The following DSCAM variants were observed in gnomAD, a reference collection of about 807,000 sequenced individuals.
DSCAM encodes the protein cell adhesion molecule DSCAM.
Under a neutral mutation model 217.7 loss-of-function variants are expected in DSCAM, and 47 were observed. The observed-to-expected ratio is 0.22, with a 90% CI of 0.17 to 0.28. The LOEUF is 0.28. Among genes scored for constraint, DSCAM ranks in the 10% least tolerant of loss-of-function variants. The probability of loss-of-function intolerance (pLI) is 1.00; values close to 1 mark genes in which losing one functional copy is unlikely to be tolerated. For missense variants in DSCAM, 2,080 were observed against 2,618.3 expected (o/e 0.79, Z 4.49); for synonymous variants, 1,056 against 1,015.3 (o/e 1.04, Z -0.76).
intron 21 of DSCAM, among the ~76,000 whole-genome samples, chr21:40,087,789 G>A (rs1415176317): frequency 6.6e-6 from 1 of 152,230 alleles, no homozygotes; most frequent in Non-Finnish European, 1.5e-5. Flanking sequence ...ACATTAAGGA[G>A]AATGAACATT....
At chr21:40,035,967 C>T (rs1353629166) in intron 32 of DSCAM, among the ~76,000 whole-genome samples, 8 of 147,582 alleles carry the variant, frequency 5.4e-5, no homozygotes, top group East Asian at 1.9e-4. Context: ...TTGAAACCAA[C>T]GAGAACAAAG....
chr21:40,144,649 T>C lies in DSCAM; in HGVS notation c.3101A>G (p.Gln1034Arg). The change falls in exon 17 of 33, where the codon CAA becomes CGA. Residue 1034 changes from glutamine (Q) to arginine (R), a missense_variant. Transcript: ENST00000400454. This position sits in a 1 kb window ranked among gnomAD's most constrained non-coding sequence, Gnocchi z 4.8. ...YREYSTGGNF[Q>R]FNIISVDTSG... ...GGTGTCGACACTGATAATGTTGAATTGGAAGTTACCCCCAGTGCTGTACTC... is the reference window on the plus strand; with the variant it reads ...GGTGTCGACACTGATAATGTTGAATCGGAAGTTACCCCCAGTGCTGTACTC... 1 of 1,614,140 alleles carries C rather than the reference T, an allele frequency of 6.2e-7. No individual in the cohort carries two copies. The highest frequency in any genetic ancestry group is 8.5e-7 in the Non-Finnish European group (1 of 1,180,024).
At chr21:40,525,009 C>CAAAAAAAAAAAAAAAAAAAA (rs58427418) in intron 3 of DSCAM, among the ~76,000 whole-genome samples, 13 of 56,096 alleles carry the variant, frequency 2.3e-4, no homozygotes, top group Non-Finnish European at 3.5e-4. Flanking sequence ...GACTCAGTCT[C>CAAAAAAAAAAAAAAAAAAAA]AAAAAAAAAA....
intron 3 of DSCAM, among the ~76,000 whole-genome samples, chr21:40,508,719 C>A (rs1452015390): frequency 1.6e-5 from 2 of 124,930 alleles, no homozygotes; most frequent in Non-Finnish European, 3.2e-5. Flanking sequence ...CAGGTGCAAA[C>A]CACCACACCC....
intron 14 of DSCAM, among the ~76,000 whole-genome samples, chr21:40,181,975 G>A (rs1025021383): frequency 1.3e-5 from 2 of 152,010 alleles, no homozygotes; most frequent in Non-Finnish European, 2.9e-5. Context: ...CCTCTGTGAG[G>A]TGAGGAAGGA....
chr21:40,251,745 T>C (rs1378865322), intron 11 of DSCAM, among the ~76,000 whole-genome samples: 2 of 152,234 alleles, frequency 1.3e-5, no homozygotes, highest in African/African-American at 4.8e-5. Context: ...CACTTAAATA[T>C]GGCAAAGATA....
chr21:40,433,352 A>C (rs1489662391), intron 3 of DSCAM, among the ~76,000 whole-genome samples: 2 of 150,658 alleles, frequency 1.3e-5, no homozygotes. Flanking sequence ...CGTCTAAAAA[A>C]AAAAAAAAAA....
intron 11 of DSCAM, among the ~76,000 whole-genome samples, chr21:40,208,210 T>C (rs985424901): frequency 6.6e-6 from 1 of 152,190 alleles, no homozygotes; most frequent in Non-Finnish European, 1.5e-5. Context: ...CCCAGCACTT[T>C]GGGAGGCTGA....
Position 40,226,328 on chromosome 21 carries a change from G to A in DSCAM, c.2357-37090C>T, listed in dbSNP as rs2091332548. On this transcript the variant is annotated intron_variant, in intron 11 of 32. Coordinates refer to ENST00000400454, the MANE Select transcript of DSCAM (RefSeq NM_001389.5). Reference sequence around the variant, plus strand: ...TTTATTACTTGGTAGACAATTCTTTGTAATTCAGTGGGTTCTCGGATTTTC... The same window carrying A: ...TTTATTACTTGGTAGACAATTCTTTATAATTCAGTGGGTTCTCGGATTTTC... 3.3e-5 allele frequency among the ~76,000 whole-genome samples: 5 copies of A among 152,166 alleles called. No homozygotes were observed. The South Asian group carries it at 1.0e-3, about 32-fold the overall frequency.
In DSCAM at chr21:40,101,790, G is replaced by GA. The variant is rs1175740653; in HGVS notation, c.3697-7917_3697-7916insT. ...GGTTTTTACTGTGGGAGGTGGTGGG[G>GA]GGGGGTCCAGGCAGACACTGCTGCC... is the stretch of plus-strand genomic sequence containing the variant. On this transcript the variant is annotated intron_variant, in intron 20 of 32. Transcript: ENST00000400454. Among the ~76,000 whole-genome samples, 4 of 152,048 alleles carry GA rather than the reference G, an allele frequency of 2.6e-5. No individual in the cohort carries two copies. The South Asian group carries it at 8.3e-4, about 32-fold the overall frequency.
chr21:40,476,900 T>A (rs1197723179), intron 3 of DSCAM, among the ~76,000 whole-genome samples: 1 of 152,218 alleles, frequency 6.6e-6, no homozygotes. Flanking sequence ...GAAAAACGTT[T>A]ACTTTCTCAC....
intron 3 of DSCAM, among the ~76,000 whole-genome samples, chr21:40,587,298 A>G (rs1400610621): frequency 6.6e-6 from 1 of 152,222 alleles, no homozygotes; most frequent in Non-Finnish European, 1.5e-5. Context: ...TTCATGACAA[A>G]ATCTGGGTTA....
At chr21:40,682,574 T>G (rs2090413955) in intron 3 of DSCAM, among the ~76,000 whole-genome samples, 1 of 48,658 alleles carries the variant, frequency 2.1e-5, no homozygotes, top group Non-Finnish European at 4.4e-5. Context: ...AAAATAAAGG[T>G]AGAAGAGAGA....
At chr21:40,287,033 GCAGTGTGATCA>G (rs1351894380) in intron 10 of DSCAM, among the ~76,000 whole-genome samples, 4 of 145,384 alleles carry the variant, frequency 2.8e-5, no homozygotes, top group Non-Finnish European at 4.6e-5. Context: ...GGTGTGATCT[GCAGTGTGATCA>G]CAGTGTGATC....
chr21:40,303,181 A>G (rs941052443), intron 9 of DSCAM, among the ~76,000 whole-genome samples: 1 of 152,150 alleles, frequency 6.6e-6, no homozygotes, highest in African/African-American at 2.4e-5. Flanking sequence ...GACACTGACA[A>G]TTAAACCTAT....
intron 20 of DSCAM, among the ~76,000 whole-genome samples, chr21:40,105,533 C>T (rs1568942428): frequency 1.3e-5 from 2 of 152,168 alleles, no homozygotes; most frequent in African/African-American, 4.8e-5. Flanking sequence ...CCTCTTGCTG[C>T]TGCCACGTGA....
chr21:40,805,941 C>A (rs915641940), intron 1 of DSCAM, among the ~76,000 whole-genome samples: 1 of 152,102 alleles, frequency 6.6e-6, no homozygotes, highest in Non-Finnish European at 1.5e-5. Context: ...ATCTCCTGAC[C>A]TTGTGATCTG....
chr21:40,522,882 C>T lies in DSCAM; in HGVS notation c.509-153637G>A, dbSNP rs147117405. Among the ~76,000 whole-genome samples, 209 of 152,120 alleles carry T rather than the reference C, an allele frequency of 1.4e-3. 1 individual carries two copies. The highest frequency in any genetic ancestry group is 2.4e-3 in the Non-Finnish European group (160 of 67,978). On this transcript the variant is annotated intron_variant, in intron 3 of 32. Transcript: ENST00000400454. The stretch of plus-strand genomic sequence containing the variant: ...CAGAAGCACATGTAATTGTCACATG[C>T]GGTAGGAATCAATAATCGACAACAT...
intron 6 of DSCAM, among the ~76,000 whole-genome samples, chr21:40,340,181 C>T (rs1028756258): frequency 6.6e-6 from 1 of 152,060 alleles, no homozygotes; most frequent in Non-Finnish European, 1.5e-5. Context: ...AACATCCAAC[C>T]TGGGACACTT....
Sources: allele counts gnomAD v4.1 joint callset (sites outside exome capture counted in the v4.1 genomes callset), GRCh38; gene constraint gnomAD v4.1.1; non-coding constraint Gnocchi (gnomAD v3.1); transcripts MANE v1.5; gene names NCBI Gene and HGNC (gene_info 2026-07-23, HGNC 2026-07-21).